The following ZFPM2 variants were observed in gnomAD, a reference collection of about 807,000 sequenced individuals.
ZFPM2 encodes zinc finger protein, FOG family member 2, also known as zinc finger protein ZFPM2.
Under a neutral mutation model 98.6 loss-of-function variants are expected in ZFPM2, and 20 were observed. The observed-to-expected ratio is 0.20, with a 90% CI of 0.14 to 0.29. The LOEUF is 0.29. Ranked by LOEUF, ZFPM2 falls within the 10% of genes least tolerant of loss-of-function variation. The probability of loss-of-function intolerance (pLI) is 1.00; values close to 1 mark genes in which losing one functional copy is unlikely to be tolerated. For synonymous variants in ZFPM2, 518 were observed against 502.7 expected, an observed-to-expected ratio of 1.03 and a Z score of -0.41; for missense variants, 1,310 against 1,388.6, an observed-to-expected ratio of 0.94 and a Z score of 0.90.
intron 3 of ZFPM2, among the ~76,000 whole-genome samples, chr8:105,489,448 T>TTATA (rs1325220110): frequency 2.4e-4 from 26 of 108,834 alleles, no homozygotes; most frequent in South Asian, 8.6e-4. Flanking sequence ...ATATATGTTT[T>TTATA]TATATATATA....
At chr8:105,580,936 A>G (rs1815582217) in intron 4 of ZFPM2, among the ~76,000 whole-genome samples, 1 of 151,710 alleles carries the variant, frequency 6.6e-6, no homozygotes, top group Non-Finnish European at 1.5e-5. Context: ...TCATGGTGAA[A>G]ATTACAATGA....
chr8:105,414,873 A>C (rs1190970451), intron 1 of ZFPM2: 1 of 150,334 alleles, frequency 6.7e-6, no homozygotes, highest in African/African-American at 2.4e-5. Flanking sequence ...TACAAACTGC[A>C]GATCATTGAA....
At chr8:105,774,221 C>T (rs1386452845) in intron 5 of ZFPM2, among the ~76,000 whole-genome samples, 1 of 152,080 alleles carries the variant, frequency 6.6e-6, no homozygotes, top group Non-Finnish European at 1.5e-5. Flanking sequence ...TCCCACTGTT[C>T]CTCCAGTAGG....
intron 5 of ZFPM2, among the ~76,000 whole-genome samples, chr8:105,778,676 G>T (rs1379437298): frequency 6.6e-6 from 1 of 152,134 alleles, no homozygotes. Context: ...ATGTGGAGGA[G>T]ATAGACTTTT....
intron 5 of ZFPM2, among the ~76,000 whole-genome samples, chr8:105,735,821 A>G (rs1812055162): frequency 6.6e-6 from 1 of 151,926 alleles, no homozygotes; most frequent in African/African-American, 2.4e-5. Flanking sequence ...TCCAAACTGT[A>G]TTTTCTCAGA....
intron 4 of ZFPM2, among the ~76,000 whole-genome samples, chr8:105,581,146 A>G (rs1020830742): frequency 6.6e-6 from 1 of 152,128 alleles, no homozygotes; most frequent in Non-Finnish European, 1.5e-5. Flanking sequence ...AGAAGATGTA[A>G]TATTCTACTA....
intron 3 of ZFPM2, among the ~76,000 whole-genome samples, chr8:105,467,038 C>T (rs2130328991): frequency 1.3e-5 from 2 of 152,096 alleles, no homozygotes; most frequent in Middle Eastern, 6.8e-3. Flanking sequence ...CTCTTGTGAG[C>T]ATTAAACAAG....
intron 3 of ZFPM2, among the ~76,000 whole-genome samples, chr8:105,446,849 A>T (rs1812381255): frequency 6.6e-6 from 1 of 152,134 alleles, no homozygotes; most frequent in Non-Finnish European, 1.5e-5. Context: ...ATTGAAGTTG[A>T]TTCATAACAA....
At chr8:105,672,454 A>G (rs560910595) in intron 5 of ZFPM2, among the ~76,000 whole-genome samples, 36 of 152,196 alleles carry the variant, frequency 2.4e-4, no homozygotes, top group African/African-American at 8.4e-4. Context: ...TTCCTTGTAA[A>G]GTATTCCCAT....
intron 1 of ZFPM2, among the ~76,000 whole-genome samples, chr8:105,413,120 A>G (rs1171844691): frequency 1.3e-5 from 2 of 151,840 alleles, no homozygotes; most frequent in Non-Finnish European, 2.9e-5. Context: ...AGAACATATC[A>G]TACTAAAATT....
At chr8:105,676,896 T>G (rs1313704084) in intron 5 of ZFPM2, among the ~76,000 whole-genome samples, 1 of 152,084 alleles carries the variant, frequency 6.6e-6, no homozygotes, top group African/African-American at 2.4e-5. Flanking sequence ...ATAAAATGTT[T>G]TTAACATATT....
intron 5 of ZFPM2, among the ~76,000 whole-genome samples, chr8:105,705,554 T>G (rs992258679): frequency 3.9e-5 from 6 of 152,148 alleles, no homozygotes; most frequent in Non-Finnish European, 7.4e-5. Flanking sequence ...GAAAGGTAGA[T>G]ATGACATATG....
chr8:105,497,523 CAT>C (rs1243679764), intron 3 of ZFPM2, among the ~76,000 whole-genome samples: 2 of 152,072 alleles, frequency 1.3e-5, no homozygotes, highest in African/African-American at 2.4e-5. Context: ...TTGATTTAGA[CAT>C]ATGGTGCTGA....
intron 3 of ZFPM2, among the ~76,000 whole-genome samples, chr8:105,489,466 A>ATATATATATATATATT (rs1554610604): frequency 8.3e-6 from 1 of 119,810 alleles, no homozygotes; most frequent in African/African-American, 3.6e-5. Context: ...ATATATATAT[A>ATATATATATATATATT]TTTTTTTTTT....
At chr8:105,346,037 G>A (rs1386198883) in intron 1 of ZFPM2, among the ~76,000 whole-genome samples, 1 of 151,844 alleles carries the variant, frequency 6.6e-6, no homozygotes. Context: ...TTAAAAATAA[G>A]GAAAGAAAAA....
At chr8:105,697,301 A>G (rs1436895276) in intron 5 of ZFPM2, among the ~76,000 whole-genome samples, 1 of 152,226 alleles carries the variant, frequency 6.6e-6, no homozygotes, top group Non-Finnish European at 1.5e-5. Context: ...AATGTTTGGT[A>G]CAATCTTAGA....
At chr8:105,599,010 C>G (rs1816033272) in intron 4 of ZFPM2, among the ~76,000 whole-genome samples, 1 of 152,144 alleles carries the variant, frequency 6.6e-6, no homozygotes, top group Non-Finnish European at 1.5e-5. Context: ...TCTAATCACA[C>G]TAGCTAGCAT....
intron 1 of ZFPM2, 82 bp downstream of exon 1, chr8:105,319,063 T>C: frequency 7.0e-7 from 1 of 1,425,038 alleles, no homozygotes; most frequent in Non-Finnish European, 9.3e-7. Flanking sequence ...GGTGGGTGGG[T>C]GGCGGGGCTA....
At chr8:105,544,429 T>G (rs1814648693) in intron 3 of ZFPM2, among the ~76,000 whole-genome samples, 1 of 152,324 alleles carries the variant, frequency 6.6e-6, no homozygotes, top group African/African-American at 2.4e-5. Flanking sequence ...TTAATTTCTC[T>G]TAAGTGCTTT....
Sources: allele counts gnomAD v4.1 joint callset (sites outside exome capture counted in the v4.1 genomes callset), GRCh38; gene constraint gnomAD v4.1.1; transcripts MANE v1.5; gene names NCBI Gene and HGNC (gene_info 2026-07-23, HGNC 2026-07-21).